Variants in ARFGAP1 observed in about 807,000 individuals in gnomAD.
ARFGAP1 encodes ARF GTPase activating protein 1.
Under a neutral mutation model 54.0 loss-of-function variants are expected in ARFGAP1, and 26 were observed. The ratio of observed to expected loss-of-function variants is 0.48; its 90% CI spans 0.35 to 0.67. The LOEUF (loss-of-function observed/expected upper bound fraction) is 0.67, where lower values mean the gene tolerates loss of function less well. ARFGAP1 is among the 30% of genes least tolerant of loss of function. The probability of loss-of-function intolerance (pLI) is 0.00; values close to 1 mark genes in which losing one functional copy is unlikely to be tolerated. For missense variants in ARFGAP1, 525 were observed against 535.8 expected, an observed-to-expected ratio of 0.98 and a Z score of 0.20; for synonymous variants, 248 against 211.9, an observed-to-expected ratio of 1.17 and a Z score of -1.48.
intron 7 of ARFGAP1, among the ~76,000 whole-genome samples, chr20:63,279,667 G>A (rs773974541): frequency 6.6e-6 from 1 of 152,184 alleles, no homozygotes; most frequent in African/African-American, 2.4e-5. Context: ...CTCTGGCAGC[G>A]CTGGGAAGTT....
At chr20:63,273,095 C>T (rs1190246600) in intron 1 of ARFGAP1, 175 bp downstream of exon 1, 2 of 152,164 alleles carry the variant, frequency 1.3e-5, no homozygotes, top group East Asian at 3.8e-4. Flanking sequence ...CCCCAGTTCC[C>T]TCGGCGCTGG....
intron 9 of ARFGAP1, 156 bp from the exon 10 acceptor site, chr20:63,284,710 T>G: frequency 6.8e-7 from 1 of 1,473,222 alleles, no homozygotes; most frequent in South Asian, 1.3e-5. Context: ...GGGTGTTGTG[T>G]GCAAAGCCCC....
chr20:63,284,152 A>T, intron 9 of ARFGAP1: 3 of 1,319,872 alleles, frequency 2.3e-6, no homozygotes, highest in Non-Finnish European at 2.9e-6. Flanking sequence ...ACAGACCCCC[A>T]ACGCAGGCCT....
chr20:63,282,976 C>T, intron 9 of ARFGAP1, 125 bp downstream of exon 9: 5 of 1,081,850 alleles, frequency 4.6e-6, no homozygotes, highest in Non-Finnish European at 7.0e-6. Context: ...TGAGGGGTCC[C>T]AGCGTAGAAG....
At position 63,287,996 on chromosome 20, in the gene ARFGAP1, G is replaced by A. The variant is rs79931129; in HGVS notation, c.*123G>A. 1,130 of 1,188,014 alleles carry A rather than the reference G, an allele frequency of 9.5e-4. 4 individuals carry two copies. The African/African-American group carries it at 0.012, about 13-fold the overall frequency. The allele number at this position is 1,188,014 out of a possible 1,614,324, so 73.6% of individuals were successfully genotyped here. A position where few individuals can be genotyped will look rare whatever the true frequency, so the allele number is the denominator to read the frequency against. Reference sequence around the variant, plus strand: ...AACTGCAGTGTGAGGACAGCGTCTCGGGAGGCAGGACCCTAGGGAGACCCG... The same window carrying A: ...AACTGCAGTGTGAGGACAGCGTCTCAGGAGGCAGGACCCTAGGGAGACCCG... On this transcript the variant is annotated 3_prime_UTR_variant, in exon 13 of 13. Coordinates refer to ENST00000370283, the MANE Select transcript of ARFGAP1 (RefSeq NM_018209.4).
At position 63,284,927 on chromosome 20, in the gene ARFGAP1, C is replaced by G; in HGVS notation, c.774+5C>G. On this transcript the variant is annotated splice_donor_5th_base_variant and intron_variant, in intron 10 of 12. Transcript: ENST00000370283. ...CTCAAGCCTGCGCAGGAGAAGGTAACGGGCAGCTCCGGGTGGTTGTGCCTG... is the reference window on the plus strand; with the variant it reads ...CTCAAGCCTGCGCAGGAGAAGGTAAGGGGCAGCTCCGGGTGGTTGTGCCTG... 1.2e-6 allele frequency: 2 copies of G among 1,613,144 alleles called. No homozygotes were observed. The highest frequency in any genetic ancestry group is 1.7e-6 in the Non-Finnish European group (2 of 1,179,828).
chr20:63,275,665 G>T (rs763301084), intron 2 of ARFGAP1, 25 bp downstream of exon 2: 2 of 1,610,166 alleles, frequency 1.2e-6, no homozygotes, highest in Admixed American at 1.7e-5. Context: ...CCCACCCCCC[G>T]CCCTAAGGCT....
intron 9 of ARFGAP1, chr20:63,284,003 C>A (rs2067456503): frequency 6.6e-7 from 1 of 1,513,884 alleles, no homozygotes; most frequent in African/African-American, 1.4e-5. Flanking sequence ...ACGCTCAGAC[C>A]CTCTCCCTGG....
At chr20:63,283,667 G>C in intron 9 of ARFGAP1, 1 of 604,878 alleles carries the variant, frequency 1.7e-6, no homozygotes, top group Non-Finnish European at 2.8e-6. Context: ...CGCTCGCGCA[G>C]TTTCTGAAGG....
chr20:63,276,803 A>C lies in ARFGAP1; in HGVS notation c.342+152A>C, dbSNP rs6062875. The C allele has an allele frequency of 0.069, 61,321 of 894,646 alleles. 2,533 individuals are homozygous for C. The highest frequency in any genetic ancestry group is 0.082 in the Non-Finnish European group (49,935 of 610,744). 55.4% of individuals were successfully genotyped at this position (894,646 alleles called of 1,614,324 possible). On this transcript the variant is annotated intron_variant, in intron 4 of 12. Transcript: ENST00000370283. This position sits in a 1 kb window ranked among gnomAD's most constrained non-coding sequence, Gnocchi z 5.2. ...CACACACAACTTGCCGCCCTGGAGC[A>C]GAGGCTTCCTGCCCAGAGGGGAGGC...
At position 63,272,839 on chromosome 20, in the gene ARFGAP1, C is replaced by T. The variant is rs1482578270; in HGVS notation, c.-86C>T. The T allele has an allele frequency of 1.3e-5, 2 of 152,334 alleles. No homozygotes were observed. The highest frequency in any genetic ancestry group is 4.8e-5 in the African/African-American group (2 of 41,466). The allele number at this position is 152,334 out of a possible 1,614,324, so 9.4% of individuals were successfully genotyped here. On this transcript the variant is annotated 5_prime_UTR_variant, in exon 1 of 13. Transcript: ENST00000370283. Reference sequence around the variant, plus strand: ...GAAGCTGGTGGCGGCTGGTGGGCGACCGGGCGCATCCTCATTGCAGTGCGG... The same window carrying T: ...GAAGCTGGTGGCGGCTGGTGGGCGATCGGGCGCATCCTCATTGCAGTGCGG...
chr20:63,286,348 C>G lies in ARFGAP1; in HGVS notation c.835-18C>G. The G allele has an allele frequency of 6.2e-7, 1 of 1,612,858 alleles. No homozygotes were observed. The highest frequency in any genetic ancestry group is 8.5e-7 in the Non-Finnish European group (1 of 1,179,718). On this transcript the variant is annotated intron_variant, in intron 11 of 12. Coordinates refer to ENST00000370283, the MANE Select transcript of ARFGAP1 (RefSeq NM_018209.4). ...CCGCGACAGGGCCTGCCTAACCTCTCTTCCCGTCTCCTTCCAGGTCCAGGG... is the reference window on the plus strand; with the variant it reads ...CCGCGACAGGGCCTGCCTAACCTCTGTTCCCGTCTCCTTCCAGGTCCAGGG...
chr20:63,278,005 G>C lies in ARFGAP1; in HGVS notation c.444-112G>C. 6 of 927,776 alleles carry C rather than the reference G, an allele frequency of 6.5e-6. No homozygotes were observed. In the South Asian group the frequency reaches 8.1e-5, roughly 13 times the overall value. 57.5% of individuals were successfully genotyped at this position (927,776 alleles called of 1,614,324 possible). A position where few individuals can be genotyped will look rare whatever the true frequency, so the allele number is the denominator to read the frequency against. ...CCACCCTGGCCTCAGGTGCTCTCAG[G>C]GGTGACGTGAAGGCACTGCCCACGT... On this transcript the variant is annotated intron_variant, in intron 5 of 12. Transcript: ENST00000370283.
At chr20:63,279,734 G>C (rs563520693) in intron 7 of ARFGAP1, among the ~76,000 whole-genome samples, 160 of 152,344 alleles carry the variant, frequency 1.1e-3, no homozygotes, top group Non-Finnish European at 1.9e-3. Flanking sequence ...ATGCCTGGAA[G>C]CTCCAGGTCA....
rs2067606138 is a variant in ARFGAP1, at chr20:63,287,884, G to GC, written c.*16dup. 7 of 1,504,032 alleles carry GC rather than the reference G, an allele frequency of 4.7e-6. No individual in the cohort carries two copies. The highest frequency in any genetic ancestry group is 6.2e-6 in the Non-Finnish European group (7 of 1,124,434). The allele number at this position is 1,504,032 out of a possible 1,614,324, so 93.2% of individuals were successfully genotyped here. A position where few individuals can be genotyped will look rare whatever the true frequency, so the allele number is the denominator to read the frequency against. On this transcript the variant is annotated 3_prime_UTR_variant, in exon 13 of 13. Coordinates refer to ENST00000370283, the MANE Select transcript of ARFGAP1 (RefSeq NM_018209.4). The stretch of plus-strand genomic sequence containing the variant: ...AACCAGAACTGGTAGGGCCCACTGC[G>GC]CCCCCGTCCCCAGCGCCCCCGGGCG...
intron 1 of ARFGAP1, 66 bp from the exon 2 acceptor site, chr20:63,275,511 C>T (rs559162157): frequency 2.6e-5 from 39 of 1,476,382 alleles, no homozygotes; most frequent in South Asian, 2.0e-4. Flanking sequence ...TTTGGACAGA[C>T]GTTATTTTCT....
Position 63,288,551 on chromosome 20 carries a change from G to A in ARFGAP1, c.*678G>A. 1 of 454,918 alleles carries A rather than the reference G, an allele frequency of 2.2e-6. No individual in the cohort carries two copies. The highest frequency in any genetic ancestry group is 4.4e-6 in the Non-Finnish European group (1 of 226,016). The allele number at this position is 454,918 out of a possible 1,614,324, so 28.2% of individuals were successfully genotyped here. ...CAATAGCCACACCCACACCTGAGCT[G>A]TTCTCAGTGCTGGAACTTGACCATC... On this transcript the variant is annotated 3_prime_UTR_variant, in exon 13 of 13. Transcript: ENST00000370283.
chr20:63,278,161 C>G lies in ARFGAP1; in HGVS notation c.488C>G (p.Ala163Gly). The G allele has an allele frequency of 1.2e-6, 2 of 1,613,738 alleles. No homozygotes were observed. The highest frequency in any genetic ancestry group is 2.7e-5 in the African/African-American group (2 of 75,070). Residue 163 changes from alanine to glycine, a missense_variant, in exon 6 of 13, where the codon GCT (alanine) becomes GGT (glycine). Physicochemically the swap from Ala to Gly is moderately conservative, Grantham distance 60. This residue lies in a region of ARFGAP1 where 466 missense variants were observed against 453.6 expected (regional missense o/e 1.03). Coordinates refer to ENST00000370283, the MANE Select transcript of ARFGAP1 (RefSeq NM_018209.4). ...PQSVTASSDK[A>G]FEDWLNDDLG... is the part of the protein sequence containing the mutation. ...AGTGTGACCGCCTCCTCGGACAAGG[C>G]TTTTGAAGACTGGCTGAATGATGAC...
In ARFGAP1 at chr20:63,278,136, A is replaced by T; in HGVS notation, c.463A>T (p.Ser155Cys). 6.2e-6 allele frequency: 10 copies of T among 1,613,772 alleles called. No homozygotes were observed. Among genetic ancestry groups the T allele is most frequent in the Non-Finnish European group, 8.5e-6 (10 of 1,179,940 alleles). The change falls in exon 6 of 13, where the codon AGT becomes TGT. Residue 155 changes from serine (S) to cysteine (C), a missense_variant. By Grantham distance (112) the Ser-to-Cys change is moderately radical. This residue lies in a region of ARFGAP1 where 466 missense variants were observed against 453.6 expected (regional missense o/e 1.03). Transcript: ENST00000370283. ...TTTCAGAGTCTCTGGCCAGCCGCAG[A>T]GTGTGACCGCCTCCTCGGACAAGGC... The part of the protein sequence containing the change: ...MVHRVSGQPQ[S>C]VTASSDKAFE...
Sources: gnomAD v4.1 joint callset for allele counts (sites outside exome capture counted in the v4.1 genomes callset) on GRCh38, gnomAD v4.1.1 for gene constraint, gnomAD v4.1.1 regional missense constraint, Gnocchi (gnomAD v3.1) non-coding constraint, MANE v1.5 for transcripts, NCBI Gene and HGNC (gene_info 2026-07-23, HGNC 2026-07-21) for gene names.